Variants in ACTR3 observed in about 807,000 individuals in gnomAD.
ACTR3 encodes actin-related protein 3.
A neutral mutation model predicts 56.8 loss-of-function variants in ACTR3; 12 were observed. The ratio of observed to expected loss-of-function variants is 0.21; its 90% CI spans 0.14 to 0.34. ACTR3 has a LOEUF of 0.34. ACTR3 is among the 10% of genes least tolerant of loss of function. The probability of loss-of-function intolerance (pLI) is 1.00; values close to 1 mark genes in which losing one functional copy is unlikely to be tolerated. For missense variants in ACTR3, 282 were observed against 512.5 expected, an observed-to-expected ratio of 0.55 and a Z score of 4.34; for synonymous variants, 162 against 167.4, an observed-to-expected ratio of 0.97 and a Z score of 0.25.
intron 6 of ACTR3, 44 bp downstream of exon 6, chr2:113,934,430 A>G (rs771882114): frequency 1.6e-6 from 2 of 1,222,192 alleles, no homozygotes; most frequent in Non-Finnish European, 2.3e-6. Flanking sequence ...GAAATAACAC[A>G]TCTGGCAAAG....
chr2:113,901,690 T>C (rs1368326362), intron 1 of ACTR3, among the ~76,000 whole-genome samples: 21 of 152,210 alleles, frequency 1.4e-4, no homozygotes, highest in Admixed American at 1.4e-3. Context: ...GGGTCTTATA[T>C]TTATTTTGTT....
At chr2:113,934,992 T>C (rs775761700) in intron 6 of ACTR3, among the ~76,000 whole-genome samples, 7 of 152,166 alleles carry the variant, frequency 4.6e-5, no homozygotes, top group Non-Finnish European at 7.4e-5. Context: ...AAGTAATTTT[T>C]ATATTATAAT....
intron 10 of ACTR3, 198 bp from the exon 11 acceptor site, chr2:113,955,425 C>T (rs1408773717): frequency 4.2e-6 from 2 of 473,690 alleles, no homozygotes; most frequent in Admixed American, 3.8e-5. Context: ...TTATTCTGCT[C>T]TGTTCCCTCC....
chr2:113,936,112 T>C (rs1031282658), intron 6 of ACTR3, among the ~76,000 whole-genome samples: 7 of 152,050 alleles, frequency 4.6e-5, no homozygotes, highest in African/African-American at 1.7e-4. Context: ...GGCAACATGC[T>C]GAAACCCTGT....
At chr2:113,942,066 A>AT in intron 7 of ACTR3, 120 bp from the exon 8 acceptor site, 1 of 825,638 alleles carries the variant, frequency 1.2e-6, no homozygotes, top group East Asian at 3.3e-5. Flanking sequence ...TAATTTCCTA[A>AT]TTTTATTTTC....
chr2:113,897,776 C>T (rs138803688), intron 1 of ACTR3, among the ~76,000 whole-genome samples: 87 of 152,200 alleles, frequency 5.7e-4, no homozygotes, highest in African/African-American at 2.1e-3. Context: ...ATCCACCCGT[C>T]TCGGCCAGAT....
intron 1 of ACTR3, among the ~76,000 whole-genome samples, chr2:113,911,856 C>T (rs1213210575): frequency 1.3e-5 from 2 of 151,902 alleles, no homozygotes; most frequent in Non-Finnish European, 2.9e-5. Flanking sequence ...CTTGCCTCAG[C>T]CTCCCAAGTA....
At chr2:113,941,681 C>G (rs1679927118) in intron 7 of ACTR3, among the ~76,000 whole-genome samples, 1 of 151,994 alleles carries the variant, frequency 6.6e-6, no homozygotes, top group African/African-American at 2.4e-5. Flanking sequence ...ACCAAATATG[C>G]AACAAAATAG....
At chr2:113,934,928 A>G (rs1679796236) in intron 6 of ACTR3, among the ~76,000 whole-genome samples, 1 of 152,220 alleles carries the variant, frequency 6.6e-6, no homozygotes, top group South Asian at 2.1e-4. Context: ...AATGACTACT[A>G]GAATTCATAC....
chr2:113,925,353 G>T (rs183948756), intron 3 of ACTR3, among the ~76,000 whole-genome samples: 3 of 151,688 alleles, frequency 2.0e-5, no homozygotes, highest in Admixed American at 2.0e-4. Flanking sequence ...GCACCACCAC[G>T]CCTGGCTAAT....
At chr2:113,935,095 T>G (rs945649867) in intron 6 of ACTR3, among the ~76,000 whole-genome samples, 3 of 152,140 alleles carry the variant, frequency 2.0e-5, no homozygotes, top group Non-Finnish European at 2.9e-5. Flanking sequence ...CTGTTAAAGA[T>G]TACATCCTCA....
chr2:113,890,577 A>C, intron 1 of ACTR3: 4 of 1,348,758 alleles, frequency 3.0e-6, no homozygotes, highest in East Asian at 3.1e-5. Context: ...TCTCCGCGCG[A>C]CCCCTCCCGG....
At chr2:113,901,653 TAA>T (rs1372856808) in intron 1 of ACTR3, among the ~76,000 whole-genome samples, 2 of 152,258 alleles carry the variant, frequency 1.3e-5, no homozygotes, top group Non-Finnish European at 2.9e-5. Flanking sequence ...GCTAGATCAT[TAA>T]AGTCTCTTCT....
At chr2:113,890,651 G>A (rs1678871774) in intron 1 of ACTR3, 1 of 1,242,162 alleles carries the variant, frequency 8.1e-7, no homozygotes, top group Non-Finnish European at 1.0e-6. Flanking sequence ...TCTTGGGGGT[G>A]GTCCCCGGGC....
chr2:113,939,839 A>G (rs1381194043), intron 6 of ACTR3, 120 bp from the exon 7 acceptor site: 1 of 753,370 alleles, frequency 1.3e-6, no homozygotes, highest in Non-Finnish European at 2.0e-6. Context: ...GAGATAAAGC[A>G]GTACTTGAGA....
intron 5 of ACTR3, among the ~76,000 whole-genome samples, chr2:113,933,438 G>A (rs1161616740): frequency 6.6e-6 from 1 of 152,090 alleles, no homozygotes; most frequent in Non-Finnish European, 1.5e-5. Context: ...AACCCAAGAG[G>A]CGGAGATTGC....
chr2:113,945,273 T>TG (rs1679995187), intron 8 of ACTR3, among the ~76,000 whole-genome samples: 1 of 152,218 alleles, frequency 6.6e-6, no homozygotes, highest in Non-Finnish European at 1.5e-5. Context: ...TAGCAGCTCT[T>TG]CACCCTCCTG....
chr2:113,903,043 T>A (rs1043620903), intron 1 of ACTR3, among the ~76,000 whole-genome samples: 2 of 152,260 alleles, frequency 1.3e-5, no homozygotes, highest in African/African-American at 4.8e-5. Context: ...TGTAAAATAC[T>A]GTATGTTATT....
At chr2:113,907,956 A>G (rs897745847) in intron 1 of ACTR3, among the ~76,000 whole-genome samples, 4 of 146,146 alleles carry the variant, frequency 2.7e-5, no homozygotes, top group African/African-American at 1.0e-4. Context: ...CCTGGGCAAC[A>G]AGAGCAAAAC....
Sources: allele counts gnomAD v4.1 joint callset (sites outside exome capture counted in the v4.1 genomes callset), GRCh38; gene constraint gnomAD v4.1.1; transcripts MANE v1.5; gene names NCBI Gene and HGNC (gene_info 2026-07-23, HGNC 2026-07-21).